GBF1: variants seen among roughly 807,000 people sequenced by gnomAD.
GBF1 encodes golgi brefeldin A resistant guanine nucleotide exchange factor 1, also known as Golgi-specific brefeldin A-resistance guanine nucleotide exchange factor 1.
A neutral mutation model predicts 210.5 loss-of-function variants in GBF1; 114 were observed. That is an observed-to-expected ratio of 0.54 (90% CI 0.47 to 0.63). GBF1 has a LOEUF of 0.63. Ranked by LOEUF, GBF1 falls within the 30% of genes least tolerant of loss-of-function variation. GBF1 has a pLI of 0.00. For synonymous variants in GBF1, 850 were observed against 889.2 expected (o/e 0.96, Z 0.78); for missense variants, 1,851 against 2,357.7 (o/e 0.79, Z 4.45).
At chr10:102,231,167 C>T in the GBF1 span, 4 of 1,413,160 alleles carry the variant, frequency 2.8e-6, no homozygotes, top group South Asian at 5.9e-5. Flanking sequence ...GGGCGGGCCA[C>T]CCCGACGGGG....
chr10:102,343,999 G>T (rs1339969272), intron 3 of GBF1, 52 bp from the exon 4 acceptor site: 11 of 1,545,360 alleles, frequency 7.1e-6, no homozygotes, highest in Non-Finnish European at 8.9e-6. Flanking sequence ...TTTTTCCAGG[G>T]TTTAGTTTTC....
chr10:102,282,257 A>T (rs2075572173), intron 3 of GBF1, among the ~76,000 whole-genome samples: 1 of 152,044 alleles, frequency 6.6e-6, no homozygotes, highest in Non-Finnish European at 1.5e-5. Context: ...TTCAAGTTTC[A>T]CAAAAACTCA....
intron 3 of GBF1, among the ~76,000 whole-genome samples, chr10:102,284,864 A>C (rs1423003075): frequency 6.6e-6 from 1 of 152,146 alleles, no homozygotes; most frequent in East Asian, 1.9e-4. Context: ...GCTGAACCAT[A>C]CTACATTCCC....
At chr10:102,251,805 C>T (rs1448875474) in intron 1 of GBF1, among the ~76,000 whole-genome samples, 1 of 152,164 alleles carries the variant, frequency 6.6e-6, no homozygotes, top group Non-Finnish European at 1.5e-5. Flanking sequence ...ATGCTCCCTC[C>T]TTGGCCTCCC....
chr10:102,370,456 C>CT lies in GBF1; in HGVS notation c.3485dup (p.Arg1163LysfsTer87). ...TGCTGCTTTCTGCCTAGAGATGCTG[C>CT]TAAGGATTGTGTTGGAGAACAGGTA... On this transcript the variant is annotated frameshift_variant, in exon 28 of 40. Transcript: ENST00000369983. LOFTEE classifies it high-confidence loss of function. The CT allele has an allele frequency of 6.2e-7, 1 of 1,612,310 alleles. No homozygotes were observed. Among genetic ancestry groups the CT allele is most frequent in the Non-Finnish European group, 8.5e-7 (1 of 1,178,346 alleles).
At chr10:102,231,743 C>G in the GBF1 span, 2 of 1,609,638 alleles carry the variant, frequency 1.2e-6, no homozygotes, top group Non-Finnish European at 1.7e-6. Flanking sequence ...TTCAGCGAAC[C>G]GTCCTCTGGG....
rs554936542 is a variant in GBF1 at position 102,315,718 on chromosome 10, G to A, written c.164-28333G>A. ...TTTAGGTGGTAATGCTCACTCGCCC[G>A]CTGCTCACCTCCTTCTGTGTGGCCT... On this transcript the variant is annotated intron_variant, in intron 3 of 39. Coordinates refer to ENST00000369983, the MANE Select transcript of GBF1 (RefSeq NM_001377137.1). Among the ~76,000 whole-genome samples, 6 of 152,218 alleles carry A rather than the reference G, an allele frequency of 3.9e-5. No individual in the cohort carries two copies. The South Asian group carries it at 6.2e-4, about 16-fold the overall frequency.
In GBF1 at chr10:102,382,250, C is replaced by G. The variant is rs748556951; in HGVS notation, c.5497C>G (p.Pro1833Ala). 1 of 1,614,036 alleles carries G rather than the reference C, an allele frequency of 6.2e-7. No individual in the cohort carries two copies. Among genetic ancestry groups the G allele is most frequent in the East Asian group, 2.2e-5 (1 of 44,868 alleles). Residue 1833 changes from proline (P) to alanine (A), a missense_variant, in exon 40 of 40, where the codon CCT becomes GCT. Pro to Ala is a conservative substitution (Grantham distance 27). Transcript: ENST00000369983. ...PPMTLPIILN[P>A]ALIEATSPVP... ...TATGACTCTGCCCATCATCCTCAACCCTGCGCTCATCGAGGCCACCTCACC... is the reference window on the plus strand; with the variant it reads ...TATGACTCTGCCCATCATCCTCAACGCTGCGCTCATCGAGGCCACCTCACC...
chr10:102,250,849 C>G (rs1036431585), intron 1 of GBF1, among the ~76,000 whole-genome samples: 3 of 151,926 alleles, frequency 2.0e-5, no homozygotes, highest in African/African-American at 7.3e-5. Context: ...CCCAGCTACT[C>G]GGGAGGCTGA....
In GBF1 at chr10:102,370,376, C is replaced by T. The variant is rs1274961427; in HGVS notation, c.3412-8C>T. 2 of 1,597,798 alleles carry T rather than the reference C, an allele frequency of 1.3e-6. No individual in the cohort carries two copies. Among genetic ancestry groups the T allele is most frequent in the African/African-American group, 2.7e-5 (2 of 74,620 alleles). The stretch of plus-strand genomic sequence containing the variant: ...CATGCCTACTTTCCTGCTGCTGTTC[C>T]CCTTCAGGCTCTGGTCTCAGTGACA... On this transcript the variant is annotated splice_region_variant and splice_polypyrimidine_tract_variant and intron_variant, in intron 27 of 39. Transcript: ENST00000369983.
At chr10:102,285,784 G>GT (rs2075881341) in intron 3 of GBF1, among the ~76,000 whole-genome samples, 1 of 151,912 alleles carries the variant, frequency 6.6e-6, no homozygotes, top group Admixed American at 6.5e-5. Flanking sequence ...AGCTCTCTCC[G>GT]TTTTTTCTAG....
At chr10:102,343,419 C>T (rs1459746422) in intron 3 of GBF1, among the ~76,000 whole-genome samples, 2 of 152,116 alleles carry the variant, frequency 1.3e-5, no homozygotes, top group African/African-American at 4.8e-5. Context: ...AAAATTGACT[C>T]ACAATATTTG....
intron 3 of GBF1, among the ~76,000 whole-genome samples, chr10:102,307,836 A>G (rs547225410): frequency 6.6e-6 from 1 of 152,278 alleles, no homozygotes; most frequent in South Asian, 2.1e-4. Context: ...CCCAGTAGGA[A>G]AATGGGAGAA....
intron 17 of GBF1, among the ~76,000 whole-genome samples, chr10:102,364,522 C>CCCAG (rs1422190323): frequency 6.7e-6 from 1 of 150,012 alleles, no homozygotes; most frequent in East Asian, 2.0e-4. Context: ...CCATGTCTGG[C>CCCAG]CTGTACTTTG....
intron 3 of GBF1, among the ~76,000 whole-genome samples, chr10:102,281,009 A>G (rs2075431263): frequency 6.6e-6 from 1 of 152,036 alleles, no homozygotes; most frequent in African/African-American, 2.4e-5. Context: ...GGGGATGGGT[A>G]CACTTGCTGA....
intron 10 of GBF1, 135 bp from the exon 11 acceptor site, chr10:102,359,132 A>G: frequency 1.5e-6 from 1 of 677,338 alleles, no homozygotes; most frequent in Non-Finnish European, 2.6e-6. Context: ...TCTTGCGGTG[A>G]TTCATAAACC....
At chr10:102,349,519 G>T (rs2058793122) in intron 4 of GBF1, among the ~76,000 whole-genome samples, 1 of 152,172 alleles carries the variant, frequency 6.6e-6, no homozygotes, top group Non-Finnish European at 1.5e-5. Context: ...CTGGATGACA[G>T]AGTGAGACTC....
chr10:102,251,153 G>T lies in GBF1; in HGVS notation c.-11+5372G>T, dbSNP rs556092053. Among the ~76,000 whole-genome samples the T allele has an allele frequency of 2.6e-5, 4 of 152,322 alleles. No individual in the cohort carries two copies. The East Asian group carries it at 7.7e-4, about 29-fold the overall frequency. On this transcript the variant is annotated intron_variant, in intron 1 of 39. Coordinates refer to ENST00000369983, the MANE Select transcript of GBF1 (RefSeq NM_001377137.1). The stretch of plus-strand genomic sequence containing the variant: ...TGAATGTGCAAATAACACTTAAGGA[G>T]ATGTCAGGAAGATAGACGTGAAAAA...
At chr10:102,244,154 AAAAAC>A (rs546376009), upstream of GBF1, among the ~76,000 whole-genome samples, 777 of 152,292 alleles carry the variant, frequency 5.1e-3, 1 homozygote, top group Non-Finnish European at 7.8e-3. Flanking sequence ...CAAAAGACAA[AAAAAC>A]AAAACAAAAC....
Sources: allele counts gnomAD v4.1 joint callset (sites outside exome capture counted in the v4.1 genomes callset), GRCh38; gene constraint gnomAD v4.1.1; transcripts MANE v1.5; gene names NCBI Gene and HGNC (gene_info 2026-07-23, HGNC 2026-07-21).